The following ARMH3 variants were observed in gnomAD, a reference collection of about 807,000 sequenced individuals.
ARMH3 encodes the protein armadillo like helical domain containing 3, also known as armadillo-like helical domain-containing protein 3.
In ARMH3, 60 loss-of-function variants were observed where a neutral mutation model predicts 99.1. The observed-to-expected ratio is 0.61, with a 90% CI of 0.49 to 0.75. ARMH3 has a LOEUF of 0.75. ARMH3 is among the 30% of genes least tolerant of loss of function. ARMH3 has a pLI of 0.00. For missense variants in ARMH3, 679 were observed against 843.1 expected, an observed-to-expected ratio of 0.81 and a Z score of 2.41; for synonymous variants, 285 against 292.8, an observed-to-expected ratio of 0.97 and a Z score of 0.27.
intron 23 of ARMH3, among the ~76,000 whole-genome samples, chr10:101,915,154 C>T (rs1843027351): frequency 6.6e-6 from 1 of 151,888 alleles, no homozygotes; most frequent in Non-Finnish European, 1.5e-5. Context: ...TTATTTATCA[C>T]ACTAGGAGGA....
chr10:101,973,372 AAAAAAAG>A (rs1564809022), intron 20 of ARMH3, among the ~76,000 whole-genome samples: 1 of 151,962 alleles, frequency 6.6e-6, no homozygotes, highest in African/African-American at 2.4e-5. Flanking sequence ...AAAAAAAAAA[AAAAAAAG>A]AAAAAAGATA....
chr10:101,865,215 C>CAAAAA, intron 24 of ARMH3, among the ~76,000 whole-genome samples: 1 of 108,364 alleles, frequency 9.2e-6, no homozygotes, highest in East Asian at 2.2e-4. Context: ...GACTATGTCT[C>CAAAAA]AAAAAAAAAA....
chr10:101,988,473 G>C (rs1846614043), intron 19 of ARMH3, among the ~76,000 whole-genome samples: 1 of 152,100 alleles, frequency 6.6e-6, no homozygotes, highest in African/African-American at 2.4e-5. Flanking sequence ...AAAAGCAACT[G>C]TTCATGGTCT....
intron 24 of ARMH3, among the ~76,000 whole-genome samples, chr10:101,888,180 T>C (rs528620395): frequency 6.6e-6 from 1 of 151,146 alleles, no homozygotes; most frequent in Non-Finnish European, 1.5e-5. Flanking sequence ...TGCATAAAAA[T>C]GATATAGTAA....
intron 23 of ARMH3, among the ~76,000 whole-genome samples, chr10:101,895,899 A>G (rs1370351142): frequency 6.6e-6 from 1 of 152,226 alleles, no homozygotes; most frequent in Non-Finnish European, 1.5e-5. Flanking sequence ...ACTCAATATC[A>G]TTAGTCATTA....
intron 1 of ARMH3, among the ~76,000 whole-genome samples, chr10:102,043,119 G>A (rs931644540): frequency 6.6e-6 from 1 of 152,202 alleles, no homozygotes; most frequent in African/African-American, 2.4e-5. Flanking sequence ...AGTTGCAGCA[G>A]ATCAGTAATG....
chr10:101,985,383 T>G (rs1019188720), intron 19 of ARMH3, among the ~76,000 whole-genome samples: 2 of 151,462 alleles, frequency 1.3e-5, no homozygotes, highest in African/African-American at 4.9e-5. Flanking sequence ...ATAATACGTA[T>G]ATATACATAC....
intron 22 of ARMH3, among the ~76,000 whole-genome samples, chr10:101,948,143 TAC>T (rs1485597464): frequency 1.1e-4 from 16 of 152,114 alleles, no homozygotes; most frequent in African/African-American, 3.9e-4. Flanking sequence ...CCAAATAAGA[TAC>T]AGAGATTATC....
intron 17 of ARMH3, 77 bp downstream of exon 17, chr10:101,993,461 G>T: frequency 8.8e-7 from 1 of 1,132,436 alleles, no homozygotes; most frequent in Non-Finnish European, 1.3e-6. Flanking sequence ...GTTCTAGTAA[G>T]ATCAATTTCA....
chr10:101,872,803 C>T (rs2067161978), intron 24 of ARMH3, among the ~76,000 whole-genome samples: 1 of 151,580 alleles, frequency 6.6e-6, no homozygotes, highest in Non-Finnish European at 1.5e-5. Flanking sequence ...ACTAAAAATA[C>T]AAAAATTAGC....
At chr10:101,933,164 C>T (rs963969279) in intron 23 of ARMH3, among the ~76,000 whole-genome samples, 1 of 151,784 alleles carries the variant, frequency 6.6e-6, no homozygotes, top group Non-Finnish European at 1.5e-5. Context: ...CCAGCCTGGG[C>T]GACAGAGCAA....
intron 23 of ARMH3, among the ~76,000 whole-genome samples, chr10:101,928,506 C>A (rs919602620): frequency 6.6e-6 from 1 of 152,054 alleles, no homozygotes; most frequent in African/African-American, 2.4e-5. Context: ...AAACGAGATA[C>A]AAAAGACAGG....
intron 23 of ARMH3, among the ~76,000 whole-genome samples, chr10:101,924,768 C>T (rs758584649): frequency 3.3e-5 from 5 of 152,012 alleles, no homozygotes; most frequent in African/African-American, 9.7e-5. Context: ...CCAAGGTGGG[C>T]GGATCACCTG....
At chr10:102,047,142 TTTAAGGATA>T (rs1279380842) in intron 1 of ARMH3, among the ~76,000 whole-genome samples, 5 of 152,218 alleles carry the variant, frequency 3.3e-5, no homozygotes, top group Non-Finnish European at 5.9e-5. Context: ...TGGTAATTTT[TTTAAGGATA>T]AAACACCCTA....
At chr10:101,999,860 G>A (rs919775817) in intron 15 of ARMH3, among the ~76,000 whole-genome samples, 18 of 151,914 alleles carry the variant, frequency 1.2e-4, no homozygotes, top group African/African-American at 3.9e-4. Flanking sequence ...TGAGGTGGGC[G>A]GATCACAAGG....
At chr10:101,952,701 C>T (rs950729117) in intron 22 of ARMH3, 4 of 152,094 alleles carry the variant, frequency 2.6e-5, no homozygotes, top group African/African-American at 4.8e-5. Context: ...CTTTTGGAGG[C>T]GCCCCTCTTA....
intron 20 of ARMH3, among the ~76,000 whole-genome samples, chr10:101,962,403 CTT>C (rs79925746): frequency 2.0e-4 from 28 of 143,146 alleles, no homozygotes; most frequent in Admixed American, 2.1e-4. Context: ...TCAAACTTTC[CTT>C]TTTTTTTTTT....
At chr10:101,917,785 ATG>A (rs1472564877) in intron 23 of ARMH3, among the ~76,000 whole-genome samples, 1 of 152,204 alleles carries the variant, frequency 6.6e-6, no homozygotes, top group African/African-American at 2.4e-5. Context: ...CCAAATCAGT[ATG>A]ACTTACAAAC....
intron 23 of ARMH3, among the ~76,000 whole-genome samples, chr10:101,911,587 T>C (rs1842868518): frequency 6.6e-6 from 1 of 152,072 alleles, no homozygotes; most frequent in African/African-American, 2.4e-5. Flanking sequence ...ATAAAGTAGC[T>C]GGGCATGGTG....
Sources: allele counts gnomAD v4.1 joint callset (sites outside exome capture counted in the v4.1 genomes callset), GRCh38; gene constraint gnomAD v4.1.1; transcripts MANE v1.5; gene names NCBI Gene and HGNC (gene_info 2026-07-23, HGNC 2026-07-21).